Variants in SLC22A5 observed in about 807,000 individuals in gnomAD.
The protein encoded by SLC22A5 is organic cation/carnitine transporter 2.
SLC22A5 carries 44 observed loss-of-function variants against 56.7 expected under a neutral mutation model. That is an observed-to-expected ratio of 0.78 (90% confidence interval 0.61 to 1.00). The LOEUF is 1.00. Ranked by LOEUF, SLC22A5 falls within the 50% of genes least tolerant of loss-of-function variation. SLC22A5 has a pLI of 0.00. For missense variants in SLC22A5, 675 were observed against 723.0 expected (o/e 0.93, Z 0.76); for synonymous variants, 278 against 292.1 (o/e 0.95, Z 0.49).
Position 132,392,466 on chromosome 5 carries a change from TG to T in SLC22A5, c.1304del (p.Gly435AlafsTer24), listed in dbSNP as rs386134217. ...TATTTGGCTACAGTCCTGGTGATGGTGGGCAAGTTTGGAGTCACGGCTGCCT... is the reference window on the plus strand; with the variant it reads ...TATTTGGCTACAGTCCTGGTGATGGTGGCAAGTTTGGAGTCACGGCTGCCT... ...LYYLATVLVM[V>X]GKFGVTAAFS... On this transcript the variant is annotated frameshift_variant, in exon 8 of 10. Transcript: ENST00000245407. LOFTEE classifies it high-confidence loss of function. The T allele has an allele frequency of 1.2e-6, 2 of 1,614,224 alleles. No homozygotes were observed. Among genetic ancestry groups the T allele is most frequent in the Non-Finnish European group, 1.7e-6 (2 of 1,180,036 alleles).
chr5:132,370,787 AC>A (rs914444734), intron 1 of SLC22A5, among the ~76,000 whole-genome samples: 4 of 152,182 alleles, frequency 2.6e-5, no homozygotes, highest in Admixed American at 1.3e-4. Flanking sequence ...GAGAAGAAAT[AC>A]TTCTCTTTCC....
chr5:132,375,680 G>A (rs1752118137), intron 1 of SLC22A5, among the ~76,000 whole-genome samples: 1 of 152,170 alleles, frequency 6.6e-6, no homozygotes, highest in Admixed American at 6.5e-5. Flanking sequence ...GCTAAAGCAT[G>A]CAATTTGGCA....
chr5:132,387,145 G>A lies in SLC22A5; in HGVS notation c.945G>A (p.Pro315=), dbSNP rs764733247. 8.1e-6 allele frequency: 13 copies of A among 1,613,970 alleles called. No homozygotes were observed. Among genetic ancestry groups the A allele is most frequent in the East Asian group, 4.5e-5 (2 of 44,892 alleles). The change falls in exon 5 of 10, where the codon CCG becomes CCA. Residue 315 remains proline (P), a synonymous_variant. Transcript: ENST00000245407. ...GIVVPSTIFD[P]SELQDLSSKK... The stretch of plus-strand genomic sequence containing the variant: ...TTGTGCCTTCCACTATCTTTGACCC[G>A]AGTGAGGTAAGCACCATGTGGGTGT...
chr5:132,374,151 T>C (rs1752048912), intron 1 of SLC22A5, among the ~76,000 whole-genome samples: 1 of 149,664 alleles, frequency 6.7e-6, no homozygotes. Flanking sequence ...ACCTGGGAAG[T>C]GGGGGTTGCA....
chr5:132,387,416 T>C (rs1459208528), intron 5 of SLC22A5, among the ~76,000 whole-genome samples: 1 of 152,088 alleles, frequency 6.6e-6, no homozygotes, highest in African/African-American at 2.4e-5. Flanking sequence ...TAGGCAATCA[T>C]ATATTTTAAC....
chr5:132,369,853 ACGGT>A lies in SLC22A5; in HGVS notation c.-118_-115del, dbSNP rs1751812901. On this transcript the variant is annotated 5_prime_UTR_variant, in exon 1 of 10. Transcript: ENST00000245407. ...CAGCTCGCGAGCCTACCCTCCGCGG[ACGGT>A]CTTGGGTCGCCTGCTGCCTGGCTTG... 9.1e-6 allele frequency: 12 copies of A among 1,315,110 alleles called. No individual in the cohort carries two copies. Among genetic ancestry groups the A allele is most frequent in the Non-Finnish European group, 1.2e-5 (12 of 985,548 alleles). 81.5% of individuals were successfully genotyped at this position (1,315,110 alleles called of 1,614,324 possible).
chr5:132,377,442 C>G (rs1230103467), intron 1 of SLC22A5: 1 of 152,276 alleles, frequency 6.6e-6, no homozygotes, highest in Non-Finnish European at 1.5e-5. Flanking sequence ...AGCACCATCT[C>G]TCTGTCTGAA....
intron 4 of SLC22A5, among the ~76,000 whole-genome samples, chr5:132,386,421 G>C (rs540719821): frequency 6.6e-6 from 1 of 151,952 alleles, no homozygotes; most frequent in Non-Finnish European, 1.5e-5. Flanking sequence ...TTGGAGAGAC[G>C]GGTTTCACTG....
intron 2 of SLC22A5, chr5:132,382,755 T>C (rs985317791): frequency 3.9e-5 from 6 of 152,228 alleles, no homozygotes; most frequent in African/African-American, 1.4e-4. Flanking sequence ...TGTTGTTAGA[T>C]TAAAATGTGG....
rs1221757778 is a variant in SLC22A5 at position 132,394,528 on chromosome 5, G to A, written c.*256G>A. 7.3e-6 allele frequency: 4 copies of A among 546,202 alleles called. No homozygotes were observed. The highest frequency in any genetic ancestry group is 6.4e-5 in the Admixed American group (2 of 31,226). 33.8% of individuals were successfully genotyped at this position (546,202 alleles called of 1,614,324 possible). ...CCTAACTATTACAATGATGGACTCA[G>A]CACCTCCAAAGCAGTTAATTTTTCA... On this transcript the variant is annotated 3_prime_UTR_variant, in exon 10 of 10. Transcript: ENST00000245407.
At chr5:132,371,538 T>C (rs1177080186) in intron 1 of SLC22A5, among the ~76,000 whole-genome samples, 1 of 152,166 alleles carries the variant, frequency 6.6e-6, no homozygotes, top group African/African-American at 2.4e-5. Flanking sequence ...GTTTTGTGTC[T>C]TTTTTAGACA....
In SLC22A5 at chr5:132,385,518, C is replaced by A. The variant is rs752087341; in HGVS notation, c.824+19C>A. ...TCTGGTGGTGAGTGTGACCTTGTGCCCCATGTGCCCACTGGCAGGATGATT... is the reference window on the plus strand; with the variant it reads ...TCTGGTGGTGAGTGTGACCTTGTGCACCATGTGCCCACTGGCAGGATGATT... On this transcript the variant is annotated intron_variant, in intron 4 of 9. Coordinates refer to ENST00000245407, the MANE Select transcript of SLC22A5 (RefSeq NM_003060.4). 7 of 1,609,780 alleles carry A rather than the reference C, an allele frequency of 4.3e-6. No homozygotes were observed. The highest frequency in any genetic ancestry group is 1.7e-5 in the Admixed American group (1 of 59,996).
intron 9 of SLC22A5, 59 bp from the exon 10 acceptor site, chr5:132,394,126 G>C: frequency 9.1e-7 from 1 of 1,100,016 alleles, no homozygotes; most frequent in South Asian, 1.2e-5. Context: ...TGTTTGTTTG[G>C]AGACTGGGAG....
chr5:132,383,893 T>C (rs1050836213), intron 2 of SLC22A5: 1 of 547,118 alleles, frequency 1.8e-6, no homozygotes, highest in Non-Finnish European at 3.3e-6. Flanking sequence ...TTCAGTCTCT[T>C]GCAATCATTA....
chr5:132,385,250 T>C, intron 3 of SLC22A5, 78 bp from the exon 4 acceptor site: 1 of 1,265,572 alleles, frequency 7.9e-7, no homozygotes, highest in Non-Finnish European at 1.2e-6. Context: ...GTCTGTGTAT[T>C]CACAAAGATA....
At chr5:132,378,759 G>T (rs1752241691) in intron 2 of SLC22A5, 1 of 442,328 alleles carries the variant, frequency 2.3e-6, no homozygotes, top group Non-Finnish European at 4.2e-6. Context: ...TTCTGCAGTA[G>T]CCTGGCTTGC....
At position 132,370,284 on chromosome 5, in the gene SLC22A5, C is replaced by T. The variant is rs895049211; in HGVS notation, c.312C>T (p.Asp104=). ...ALGLEPGRDV[D]LGQLEQESCL... ...GGCTGGAGCCGGGGCGCGACGTGGA[C>T]CTGGGGCAGCTGGAGCAGGAGAGCT... Residue 104 remains aspartate, a synonymous_variant, in exon 1 of 10, where the codon GAC becomes GAT. Coordinates refer to ENST00000245407, the MANE Select transcript of SLC22A5 (RefSeq NM_003060.4). 18 of 1,606,110 alleles carry T rather than the reference C, an allele frequency of 1.1e-5. No individual in the cohort carries two copies. The Admixed American group carries it at 2.7e-4, about 24-fold the overall frequency.
Position 132,390,830 on chromosome 5 carries a change from C to T in SLC22A5, c.1193C>T (p.Pro398Leu), listed in dbSNP as rs144547521. 1.4e-4 allele frequency: 220 copies of T among 1,614,044 alleles called. No homozygotes were observed. The highest frequency in any genetic ancestry group is 1.7e-4 in the Non-Finnish European group (204 of 1,180,044). ...GCCTGGCTGCTGCTGCAATATTTGC[C>T]CCGGCGCTATTCCATGGCCACTGCC... The part of the protein sequence containing the change: ...VLAWLLLQYL[P>L]RRYSMATALF... The change falls in exon 7 of 10, where the codon CCC becomes CTC. Residue 398 changes from proline to leucine, a missense_variant. Transcript: ENST00000245407.
chr5:132,383,737 A>G (rs550789530), intron 2 of SLC22A5: 5 of 264,364 alleles, frequency 1.9e-5, no homozygotes, highest in Non-Finnish European at 3.0e-5. Flanking sequence ...CATAGTTTAC[A>G]AAGGAAAATC....
Sources: gnomAD v4.1 joint callset for allele counts (sites outside exome capture counted in the v4.1 genomes callset) on GRCh38, gnomAD v4.1.1 for gene constraint, MANE v1.5 for transcripts, NCBI Gene and HGNC (gene_info 2026-07-23, HGNC 2026-07-21) for gene names.